The following GUCY1A2 variants were observed in gnomAD, a reference collection of about 807,000 sequenced individuals.
The protein encoded by GUCY1A2 is guanylate cyclase soluble subunit alpha-2.
Under a neutral mutation model 63.5 loss-of-function variants are expected in GUCY1A2, and 27 were observed. That is an observed-to-expected ratio of 0.43 (90% CI 0.31 to 0.59). The LOEUF is 0.59. Among genes scored for constraint, GUCY1A2 ranks in the 20% least tolerant of loss-of-function variants. The pLI is 0.11. For synonymous variants in GUCY1A2, 364 were observed against 343.5 expected (o/e 1.06, Z -0.66); for missense variants, 768 against 913.3 (o/e 0.84, Z 2.05).
chr11:106,815,805 A>T (rs1305060564), intron 4 of GUCY1A2, among the ~76,000 whole-genome samples: 1 of 151,758 alleles, frequency 6.6e-6, no homozygotes, highest in Non-Finnish European at 1.5e-5. Context: ...CACACACACC[A>T]CACACAAAGG....
At chr11:106,689,489 C>T (rs1862584370) in intron 7 of GUCY1A2, among the ~76,000 whole-genome samples, 1 of 152,080 alleles carries the variant, frequency 6.6e-6, no homozygotes, top group East Asian at 1.9e-4. Context: ...GGTCTAATAT[C>T]TAGCATCTAT....
intron 4 of GUCY1A2, among the ~76,000 whole-genome samples, chr11:106,924,957 A>C: frequency 6.6e-6 from 1 of 152,152 alleles, no homozygotes; most frequent in Non-Finnish European, 1.5e-5. Context: ...CAGTGAGCCA[A>C]GATTACTCCA....
chr11:106,764,483 G>C (rs1864123704), intron 6 of GUCY1A2, among the ~76,000 whole-genome samples: 1 of 151,758 alleles, frequency 6.6e-6, no homozygotes, highest in African/African-American at 2.4e-5. Flanking sequence ...TTTCAGTCTT[G>C]GTTTTCCCAT....
chr11:106,739,908 G>A (rs1051563923), intron 6 of GUCY1A2, among the ~76,000 whole-genome samples: 1 of 151,714 alleles, frequency 6.6e-6, no homozygotes, highest in African/African-American at 2.4e-5. Flanking sequence ...CCAGAGTTTA[G>A]CTCCTCAGAG....
chr11:106,994,942 A>T (rs907608553), intron 1 of GUCY1A2, among the ~76,000 whole-genome samples: 3 of 152,162 alleles, frequency 2.0e-5, no homozygotes, highest in African/African-American at 4.8e-5. Context: ...AGATTTTAGG[A>T]GATATTAATA....
Position 106,724,017 on chromosome 11 carries a change from A to T in GUCY1A2, c.1837-15351T>A, listed in dbSNP as rs191682578. Among the ~76,000 whole-genome samples the T allele has an allele frequency of 4.6e-5, 7 of 152,348 alleles. No homozygotes were observed. In the East Asian group the frequency reaches 1.3e-3, roughly 29 times the overall value. On this transcript the variant is annotated intron_variant, in intron 6 of 7. Coordinates refer to ENST00000526355, the MANE Select transcript of GUCY1A2 (RefSeq NM_000855.3). ...AGAAACTTGCTTAAGGTATTCCTCC[A>T]TTCCCGTTCAGTTTACTTTTTCTAC...
chr11:106,764,353 G>A (rs74467736), intron 6 of GUCY1A2, among the ~76,000 whole-genome samples: 2,549 of 152,178 alleles, frequency 0.017, 37 homozygotes, highest in Non-Finnish European at 0.027. Flanking sequence ...TGTATTGTGA[G>A]TGGCAGTATA....
intron 6 of GUCY1A2, among the ~76,000 whole-genome samples, chr11:106,709,335 TATATATAAATTTATATATTTTATATA>T (rs1189477913): frequency 1.1e-5 from 1 of 87,774 alleles, no homozygotes; most frequent in East Asian, 2.9e-4. Flanking sequence ...ATTATATAAA[TATATATAAATTTATATATTTTATATA>T]ATATATATAA....
Position 106,926,392 on chromosome 11 carries a change from C to T in GUCY1A2, c.1206+13068G>A, listed in dbSNP as rs973235907. The stretch of plus-strand genomic sequence containing the variant: ...GGTATAGGCTGAAGTAAGCCAGGAT[C>T]AAACCACTGCACTCCAGCCTGGGTG... On this transcript the variant is annotated intron_variant, in intron 4 of 7. Transcript: ENST00000526355. Among the ~76,000 whole-genome samples the T allele has an allele frequency of 6.8e-5, 10 of 147,212 alleles. No homozygotes were observed. In the South Asian group the frequency reaches 1.1e-3, roughly 16 times the overall value.
intron 6 of GUCY1A2, among the ~76,000 whole-genome samples, chr11:106,709,530 AATATAAT>A (rs1429944836): frequency 1.2e-5 from 1 of 82,670 alleles, no homozygotes; most frequent in Non-Finnish European, 2.0e-5. Flanking sequence ...ATATAATAAT[AATATAAT>A]ATATTATATT....
At chr11:106,920,639 T>C (rs1450457441) in intron 4 of GUCY1A2, among the ~76,000 whole-genome samples, 1 of 152,128 alleles carries the variant, frequency 6.6e-6, no homozygotes, top group Admixed American at 6.6e-5. Context: ...TTGTTTATCA[T>C]TCAGATCTTA....
chr11:106,949,395 C>A (rs531656987), intron 3 of GUCY1A2, among the ~76,000 whole-genome samples: 4 of 152,250 alleles, frequency 2.6e-5, no homozygotes, highest in African/African-American at 9.6e-5. Flanking sequence ...GCTCAACAAT[C>A]TCTCTCTCAT....
intron 3 of GUCY1A2, among the ~76,000 whole-genome samples, chr11:106,963,906 A>G (rs752014145): frequency 2.6e-5 from 4 of 152,028 alleles, no homozygotes; most frequent in Non-Finnish European, 5.9e-5. Context: ...TTATTTTGAT[A>G]TAAGTTTAAA....
chr11:106,779,391 A>G lies in GUCY1A2; in HGVS notation c.1693-2809T>C, dbSNP rs1235904515. On this transcript the variant is annotated intron_variant, in intron 5 of 7. Transcript: ENST00000526355. ...GTGCCTATTTACCATTTTACCCCTA[A>G]TAAGACAATGTTCTTTGCTAATCTT... 2.6e-5 allele frequency among the ~76,000 whole-genome samples: 4 copies of G among 152,206 alleles called. No homozygotes were observed. The East Asian group carries it at 5.8e-4, about 22-fold the overall frequency.
chr11:106,736,296 G>T (rs1447197952), intron 6 of GUCY1A2, among the ~76,000 whole-genome samples: 1 of 152,050 alleles, frequency 6.6e-6, no homozygotes, highest in Non-Finnish European at 1.5e-5. Flanking sequence ...AATCTATTTT[G>T]ATTTGATGTG....
At chr11:106,990,171 G>A (rs1412379825) in intron 1 of GUCY1A2, among the ~76,000 whole-genome samples, 2 of 152,152 alleles carry the variant, frequency 1.3e-5, no homozygotes, top group Non-Finnish European at 2.9e-5. Context: ...TGGAGAGGAA[G>A]CCAGCTGGAA....
At chr11:106,754,533 G>A (rs113190256) in intron 6 of GUCY1A2, among the ~76,000 whole-genome samples, 13 of 152,038 alleles carry the variant, frequency 8.6e-5, no homozygotes, top group African/African-American at 2.9e-4. Context: ...ATGTTCCATC[G>A]ATACCTAGTT....
At chr11:106,827,814 G>T (rs747117402) in intron 4 of GUCY1A2, 1 of 1,594,468 alleles carries the variant, frequency 6.3e-7, no homozygotes, top group Admixed American at 1.7e-5. Context: ...CAACTGCTCC[G>T]CACAAGTGAC....
rs895351632 is a variant in GUCY1A2 at position 106,827,820 on chromosome 11, G to A, written c.1207-17342C>T. On this transcript the variant is annotated intron_variant, in intron 4 of 7. Transcript: ENST00000526355. ...GTGAGTAGCCAACTGCTCCGCACAA[G>A]TGACGCCCGCGATGCCGCCGCCGAC... is the stretch of plus-strand genomic sequence containing the variant. The A allele has an allele frequency of 5.6e-6, 9 of 1,598,124 alleles. No homozygotes were observed. The Admixed American group carries it at 1.0e-4, about 18-fold the overall frequency.
Sources: allele counts gnomAD v4.1 joint callset (sites outside exome capture counted in the v4.1 genomes callset), GRCh38; gene constraint gnomAD v4.1.1; transcripts MANE v1.5; gene names NCBI Gene and HGNC (gene_info 2026-07-23, HGNC 2026-07-21).